MAP2K1: variants seen among roughly 807,000 people sequenced by gnomAD.
MAP2K1 encodes mitogen-activated protein kinase kinase 1, also known as dual specificity mitogen-activated protein kinase kinase 1.
MAP2K1 carries 16 observed loss-of-function variants against 46.3 expected under a neutral mutation model. That is an observed-to-expected ratio of 0.35 (90% CI 0.23 to 0.52). The LOEUF (loss-of-function observed/expected upper bound fraction) is 0.52. MAP2K1 is among the 20% of genes least tolerant of loss of function. The probability of loss-of-function intolerance (pLI) is 0.94; values close to 1 mark genes in which losing one functional copy is unlikely to be tolerated. For missense variants in MAP2K1, 263 were observed against 497.1 expected (o/e 0.53, Z 4.48); for synonymous variants, 183 against 185.6 (o/e 0.99, Z 0.11).
At chr15:66,462,948 A>G (rs1470430207) in intron 5 of MAP2K1, among the ~76,000 whole-genome samples, 1 of 152,220 alleles carries the variant, frequency 6.6e-6, no homozygotes, top group Non-Finnish European at 1.5e-5. Context: ...CTTCCTGCTT[A>G]TTCTGCGTGC....
intron 5 of MAP2K1, among the ~76,000 whole-genome samples, chr15:66,448,632 G>A (rs1365737888): frequency 6.6e-6 from 1 of 152,194 alleles, no homozygotes; most frequent in African/African-American, 2.4e-5. Context: ...TGCATGACCA[G>A]CTTATAGCTT....
intron 5 of MAP2K1, among the ~76,000 whole-genome samples, chr15:66,476,036 T>C (rs1365960956): frequency 6.6e-6 from 1 of 152,224 alleles, no homozygotes; most frequent in Non-Finnish European, 1.5e-5. Context: ...ACAGAAAATA[T>C]CGGAGAAGAA....
intron 2 of MAP2K1, 114 bp downstream of exon 2, chr15:66,435,351 A>AT (rs71139499): frequency 0.11 from 64,886 of 570,966 alleles, 65 homozygotes; most frequent in East Asian, 0.17. Flanking sequence ...TGCTGTTTGA[A>AT]TTTTTTTTTT....
intron 1 of MAP2K1, among the ~76,000 whole-genome samples, chr15:66,403,982 C>G (rs1310108847): frequency 1.3e-5 from 2 of 152,152 alleles, no homozygotes; most frequent in African/African-American, 4.8e-5. Flanking sequence ...TTACTCAAAT[C>G]CAGATAGAAA....
chr15:66,394,596 C>A (rs1207527590), intron 1 of MAP2K1, among the ~76,000 whole-genome samples: 2 of 151,730 alleles, frequency 1.3e-5, no homozygotes, highest in Non-Finnish European at 2.9e-5. Flanking sequence ...GCTAGTACTA[C>A]CGGCATGTAC....
chr15:66,455,624 C>T (rs896702100), intron 5 of MAP2K1, among the ~76,000 whole-genome samples: 1 of 152,116 alleles, frequency 6.6e-6, no homozygotes, highest in Non-Finnish European at 1.5e-5. Context: ...TGAGTATGTC[C>T]TGGTCCTAGT....
intron 1 of MAP2K1, among the ~76,000 whole-genome samples, chr15:66,422,150 G>A (rs901724553): frequency 2.0e-5 from 3 of 152,118 alleles, no homozygotes; most frequent in Middle Eastern, 3.4e-3. Flanking sequence ...GAAAACGTGG[G>A]GATTAAATCA....
At chr15:66,477,411 C>T (rs984587689) in intron 5 of MAP2K1, among the ~76,000 whole-genome samples, 4 of 152,080 alleles carry the variant, frequency 2.6e-5, no homozygotes, top group Admixed American at 6.5e-5. Flanking sequence ...TGTGAACTGC[C>T]GATCTTGGAG....
intron 5 of MAP2K1, among the ~76,000 whole-genome samples, chr15:66,446,962 T>C (rs912969584): frequency 2.0e-5 from 3 of 152,186 alleles, no homozygotes; most frequent in Non-Finnish European, 4.4e-5. Flanking sequence ...TATAGTTGCT[T>C]TTAAAGAAGA....
chr15:66,428,617 C>A (rs925158925), intron 1 of MAP2K1, among the ~76,000 whole-genome samples: 19 of 152,016 alleles, frequency 1.2e-4, no homozygotes, highest in Admixed American at 3.9e-4. Flanking sequence ...CCCACAAAAA[C>A]CAAAAACATT....
At chr15:66,388,305 C>G (rs371367886) in intron 1 of MAP2K1, among the ~76,000 whole-genome samples, 94 of 152,280 alleles carry the variant, frequency 6.2e-4, no homozygotes, top group African/African-American at 2.2e-3. Context: ...AGGGACAAGA[C>G]TATGTGAGGG....
intron 1 of MAP2K1, among the ~76,000 whole-genome samples, chr15:66,417,490 G>A (rs752562981): frequency 2.2e-4 from 33 of 152,046 alleles, no homozygotes; most frequent in African/African-American, 5.6e-4. Context: ...AGGGAGGATC[G>A]CCTGAGCCCA....
intron 1 of MAP2K1, among the ~76,000 whole-genome samples, chr15:66,425,383 AT>A (rs34978280): frequency 0.058 from 8,724 of 149,624 alleles, 349 homozygotes; most frequent in Middle Eastern, 0.11. Context: ...ATTTAGCAGA[AT>A]TTTTTTTTTT....
At position 66,455,459 on chromosome 15, in the gene MAP2K1, G is replaced by A. The variant is rs576387603; in HGVS notation, c.568+10752G>A. On this transcript the variant is annotated intron_variant, in intron 5 of 10. Transcript: ENST00000307102. ...CTTAGGAATATGTCAGTGATTTAAA[G>A]GTAGGTATTCCTGCACTTAGGAATT... is the stretch of plus-strand genomic sequence containing the variant. Among the ~76,000 whole-genome samples the A allele has an allele frequency of 4.3e-4, 65 of 152,308 alleles. 1 individual carries two copies. In the South Asian group the frequency reaches 0.013, roughly 31 times the overall value.
chr15:66,477,413 A>T (rs1892778655), intron 5 of MAP2K1, among the ~76,000 whole-genome samples: 1 of 152,088 alleles, frequency 6.6e-6, no homozygotes, highest in South Asian at 2.1e-4. Context: ...TGAACTGCCG[A>T]TCTTGGAGGG....
intron 5 of MAP2K1, among the ~76,000 whole-genome samples, chr15:66,468,498 T>G (rs1892522480): frequency 6.6e-6 from 1 of 152,084 alleles, no homozygotes; most frequent in Admixed American, 6.5e-5. Context: ...ATTATAGAAA[T>G]CTATCATAGG....
intron 5 of MAP2K1, among the ~76,000 whole-genome samples, chr15:66,454,393 G>C (rs1490674734): frequency 4.6e-5 from 7 of 152,138 alleles, no homozygotes; most frequent in Non-Finnish European, 2.9e-5. Context: ...CAAACCTCAG[G>C]AAAATGGAGA....
chr15:66,462,051 A>G (rs532807412), intron 5 of MAP2K1, among the ~76,000 whole-genome samples: 8 of 152,326 alleles, frequency 5.3e-5, no homozygotes, highest in African/African-American at 1.9e-4. Flanking sequence ...GATAGTTCCT[A>G]TCCTCTTAGA....
At chr15:66,395,530 T>G (rs888968143) in intron 1 of MAP2K1, among the ~76,000 whole-genome samples, 4 of 145,272 alleles carry the variant, frequency 2.8e-5, no homozygotes, top group African/African-American at 1.0e-4. Context: ...GCTGACATGG[T>G]TTTTTTTTTT....
Sources: gnomAD v4.1 joint callset for allele counts (sites outside exome capture counted in the v4.1 genomes callset) on GRCh38, gnomAD v4.1.1 for gene constraint, MANE v1.5 for transcripts, NCBI Gene and HGNC (gene_info 2026-07-23, HGNC 2026-07-21) for gene names.